FRAS1: variants seen among roughly 807,000 people sequenced by gnomAD.
The protein encoded by FRAS1 is extracellular matrix organizing protein FRAS1.
Under a neutral mutation model 435.2 loss-of-function variants are expected in FRAS1, and 290 were observed. The observed-to-expected ratio is 0.67, with a 90% CI of 0.61 to 0.73. The LOEUF is 0.73. FRAS1 is among the 30% of genes least tolerant of loss of function. The probability of loss-of-function intolerance (pLI) is 0.00; values close to 1 mark genes in which losing one functional copy is unlikely to be tolerated. For missense variants in FRAS1, 4,860 were observed against 5,001.5 expected (o/e 0.97, Z 0.85); for synonymous variants, 1,800 against 1,851.0 (o/e 0.97, Z 0.71).
chr4:78,407,632 C>A, intron 30 of FRAS1, 31 bp from the exon 31 acceptor site: 2 of 1,559,336 alleles, frequency 1.3e-6, no homozygotes, highest in Non-Finnish European at 1.7e-6. Flanking sequence ...CCTAGGGACC[C>A]TCACTAACTA....
At chr4:78,494,724 T>G (rs1242014809) in intron 59 of FRAS1, among the ~76,000 whole-genome samples, 1 of 152,134 alleles carries the variant, frequency 6.6e-6, no homozygotes, top group Non-Finnish European at 1.5e-5. Flanking sequence ...CTATGCACTC[T>G]CAGCAAGAGA....
intron 2 of FRAS1, among the ~76,000 whole-genome samples, chr4:78,197,618 G>C (rs1159174790): frequency 6.6e-6 from 1 of 152,170 alleles, no homozygotes; most frequent in African/African-American, 2.4e-5. Context: ...CAAGGAAAAA[G>C]TATTGAGACA....
intron 2 of FRAS1, among the ~76,000 whole-genome samples, chr4:78,185,849 T>C (rs1023886161): frequency 2.0e-5 from 3 of 152,232 alleles, no homozygotes; most frequent in Admixed American, 1.3e-4. Context: ...CCTATCCTAA[T>C]AACCTATGTT....
At chr4:78,439,351 T>A (rs6533670) in intron 40 of FRAS1, among the ~76,000 whole-genome samples, 51,546 of 151,924 alleles carry the variant, frequency 0.34, 9,224 homozygotes, top group Admixed American at 0.41. Flanking sequence ...TAGAAAAATA[T>A]TATATCTTTG....
chr4:78,316,403 A>AG (rs1729255420), intron 16 of FRAS1, among the ~76,000 whole-genome samples: 1 of 152,150 alleles, frequency 6.6e-6, no homozygotes, highest in Admixed American at 6.5e-5. Context: ...CTGTTAGTGC[A>AG]GGGTGTTTAG....
At chr4:78,505,782 G>A (rs1432396469) in intron 61 of FRAS1, among the ~76,000 whole-genome samples, 2 of 152,120 alleles carry the variant, frequency 1.3e-5, no homozygotes, top group South Asian at 4.1e-4. Context: ...CTGGTGAGGA[G>A]CTGCGATCCT....
intron 14 of FRAS1, among the ~76,000 whole-genome samples, chr4:78,299,594 A>G (rs994186): frequency 0.065 from 9,899 of 152,240 alleles, 1,081 homozygotes; most frequent in African/African-American, 0.22. Flanking sequence ...TATCTCCTCT[A>G]TACCTCTGGA....
intron 1 of FRAS1, 22 bp from the exon 2 acceptor site, chr4:78,065,963 C>A: frequency 6.3e-7 from 1 of 1,595,124 alleles, no homozygotes; most frequent in Non-Finnish European, 8.6e-7. Flanking sequence ...CCTTTTAATT[C>A]TTGTTTTGTT....
chr4:78,290,966 A>T (rs1727868984), intron 14 of FRAS1, among the ~76,000 whole-genome samples: 2 of 151,410 alleles, frequency 1.3e-5, no homozygotes, highest in South Asian at 4.2e-4. Context: ...GGGTTTCACC[A>T]TGTTGGCCAG....
intron 18 of FRAS1, among the ~76,000 whole-genome samples, chr4:78,328,836 G>T (rs1015862895): frequency 1.3e-5 from 2 of 152,132 alleles, no homozygotes; most frequent in Non-Finnish European, 2.9e-5. Flanking sequence ...ATGCCTGGAG[G>T]CTACTTATTT....
chr4:78,156,038 G>A lies in FRAS1; in HGVS notation c.109-81472G>A, dbSNP rs72654672. ...TTTGTGCTCATCATGCTTGATGATC[G>A]CTGACCAGTTCTAAAATAGAGTCCA... On this transcript the variant is annotated intron_variant, in intron 2 of 73. Coordinates refer to ENST00000512123, the MANE Select transcript of FRAS1 (RefSeq NM_025074.7). Among the ~76,000 whole-genome samples the A allele has an allele frequency of 2.0e-3, 300 of 152,194 alleles. 1 individual carries two copies. The highest frequency in any genetic ancestry group is 3.5e-3 in the Non-Finnish European group (235 of 68,012).
chr4:78,184,900 A>G (rs535347975), intron 2 of FRAS1, among the ~76,000 whole-genome samples: 73 of 152,244 alleles, frequency 4.8e-4, no homozygotes, highest in Admixed American at 1.4e-3. Flanking sequence ...GAAAAAGTTT[A>G]TGTATGCTAC....
chr4:78,407,766 G>A lies in FRAS1; in HGVS notation c.4233G>A (p.Gln1411=), dbSNP rs2110353408. 6.2e-7 allele frequency: 1 copy of A among 1,613,894 alleles called. No homozygotes were observed. The highest frequency in any genetic ancestry group is 8.5e-7 in the Non-Finnish European group (1 of 1,179,834). ...RTATPTSTFT[Q]QDINEGIVWY... Reference sequence around the variant, plus strand: ...CTACCCCCACCAGCACCTTCACCCAGCAGGACATCAATGAAGGCATCGTAT... The same window carrying A: ...CTACCCCCACCAGCACCTTCACCCAACAGGACATCAATGAAGGCATCGTAT... Residue 1411 remains glutamine, a synonymous_variant, in exon 31 of 74, where the codon CAG becomes CAA. Transcript: ENST00000512123.
chr4:78,171,529 T>C (rs183804886), intron 2 of FRAS1, among the ~76,000 whole-genome samples: 1 of 152,168 alleles, frequency 6.6e-6, no homozygotes, highest in South Asian at 2.1e-4. Flanking sequence ...TACTGTTAAC[T>C]CCCACCTCCA....
rs371537142 is a variant in FRAS1 at position 78,086,768 on chromosome 4, G to A, written c.108+20752G>A. Among the ~76,000 whole-genome samples the A allele has an allele frequency of 2.3e-4, 35 of 152,258 alleles. No individual in the cohort carries two copies. The South Asian group carries it at 6.6e-3, about 29-fold the overall frequency. ...GAATAAACTAATAGGCTCTGAAATT[G>A]CGGCAATAATTAATAGCTTACCAAC... On this transcript the variant is annotated intron_variant, in intron 2 of 73. Transcript: ENST00000512123.
At chr4:78,195,748 TCGGC>T (rs1413859963) in intron 2 of FRAS1, among the ~76,000 whole-genome samples, 2 of 152,068 alleles carry the variant, frequency 1.3e-5, no homozygotes, top group Non-Finnish European at 2.9e-5. Flanking sequence ...TCACCCTGCT[TCGGC>T]TCACACTCAG....
At chr4:78,433,153 G>T (rs1734276960) in intron 38 of FRAS1, among the ~76,000 whole-genome samples, 1 of 152,154 alleles carries the variant, frequency 6.6e-6, no homozygotes, top group African/African-American at 2.4e-5. Flanking sequence ...GTAATTAGGA[G>T]GCCAAGGAGA....
Position 78,371,083 on chromosome 4 carries a change from G to GGTTTTTT in FRAS1, c.2869+1099_2869+1100insGTTTTTT, listed in dbSNP as rs1456015210. 5.5e-4 allele frequency among the ~76,000 whole-genome samples: 70 copies of GGTTTTTT among 127,418 alleles called. 2 individuals are homozygous for GGTTTTTT. Among genetic ancestry groups the GGTTTTTT allele is most frequent in the African/African-American group, 1.3e-3 (41 of 31,476 alleles). The allele number at this position is 127,418 out of a possible 152,430, so 83.6% of individuals were successfully genotyped here. On this transcript the variant is annotated intron_variant, in intron 23 of 73. Transcript: ENST00000512123. The stretch of plus-strand genomic sequence containing the variant: ...CTCGAGACCACAGAATTTTTTTTCT[G>GGTTTTTT]TTTTTTTGTTTTTTTTTTTTTTTGC...
chr4:78,472,587 A>G (rs1170945346), intron 52 of FRAS1, among the ~76,000 whole-genome samples: 1 of 152,188 alleles, frequency 6.6e-6, no homozygotes, highest in Non-Finnish European at 1.5e-5. Context: ...AGTGTTGGCC[A>G]GGTTTTCTGG....
Sources: gnomAD v4.1 joint callset for allele counts (sites outside exome capture counted in the v4.1 genomes callset) on GRCh38, gnomAD v4.1.1 for gene constraint, MANE v1.5 for transcripts, NCBI Gene and HGNC (gene_info 2026-07-23, HGNC 2026-07-21) for gene names.